PLXDC2: variants seen among roughly 807,000 people sequenced by gnomAD.
PLXDC2 encodes plexin domain-containing protein 2.
In PLXDC2, 40 loss-of-function variants were observed where a neutral mutation model predicts 68.9. The ratio of observed to expected loss-of-function variants is 0.58; its 90% CI spans 0.45 to 0.76. PLXDC2 has a LOEUF of 0.76. PLXDC2 is among the 30% of genes least tolerant of loss of function. PLXDC2 has a pLI of 0.00. For synonymous variants in PLXDC2, 243 were observed against 234.2 expected (o/e 1.04, Z -0.34); for missense variants, 644 against 661.9 (o/e 0.97, Z 0.30).
At chr10:20,260,326 A>G (rs1341663093) in intron 13 of PLXDC2, among the ~76,000 whole-genome samples, 2 of 152,188 alleles carry the variant, frequency 1.3e-5, no homozygotes, top group Non-Finnish European at 2.9e-5. Flanking sequence ...GCAAGTTTGT[A>G]CCTTTGGGTC....
At chr10:19,936,490 T>C (rs1168336041) in intron 1 of PLXDC2, among the ~76,000 whole-genome samples, 1 of 152,186 alleles carries the variant, frequency 6.6e-6, no homozygotes, top group Non-Finnish European at 1.5e-5. Flanking sequence ...AAGCTTTATT[T>C]ACAAAAACAG....
chr10:19,845,587 T>A (rs1836993710), intron 1 of PLXDC2, among the ~76,000 whole-genome samples: 1 of 152,154 alleles, frequency 6.6e-6, no homozygotes, highest in Admixed American at 6.5e-5. Flanking sequence ...CAGAAAATAA[T>A]TCAAGGGCAA....
chr10:20,154,316 G>C lies in PLXDC2; in HGVS notation c.783+6414G>C, dbSNP rs1483444241. ...ACGGTGGCTCACGCCTGTGATCCCA[G>C]CACTTTGGGAGGCCAAGGTGGGCTG... On this transcript the variant is annotated intron_variant, in intron 6 of 13. Coordinates refer to ENST00000377252, the MANE Select transcript of PLXDC2 (RefSeq NM_032812.9). 3.3e-5 allele frequency among the ~76,000 whole-genome samples: 5 copies of C among 152,170 alleles called. No homozygotes were observed. The East Asian group carries it at 9.6e-4, about 29-fold the overall frequency.
chr10:20,068,207 A>G lies in PLXDC2; in HGVS notation c.509A>G (p.His170Arg). ...TCCTTCGATTTTCCATTTTATGGCC[A>G]CTTCCTACGTGAAATCACTGTGGCA... Reference protein sequence around the residue: ...NLSFDFPFYGHFLREITVATG... With the variant: ...NLSFDFPFYGRFLREITVATG... Residue 170 changes from histidine (H) to arginine (R), a missense_variant, in exon 4 of 14, where the codon CAC (histidine) becomes CGC (arginine). Coordinates refer to ENST00000377252, the MANE Select transcript of PLXDC2 (RefSeq NM_032812.9). The G allele has an allele frequency of 1.9e-6, 3 of 1,613,328 alleles. No individual in the cohort carries two copies. The highest frequency in any genetic ancestry group is 2.5e-6 in the Non-Finnish European group (3 of 1,179,644).
chr10:19,925,612 A>G (rs1467992140), intron 1 of PLXDC2, among the ~76,000 whole-genome samples: 1 of 152,128 alleles, frequency 6.6e-6, no homozygotes, highest in African/African-American at 2.4e-5. Flanking sequence ...ATTTTTTCCT[A>G]TTGTTCTCAT....
chr10:20,178,607 T>A (rs1441070881), intron 9 of PLXDC2, among the ~76,000 whole-genome samples: 1 of 152,090 alleles, frequency 6.6e-6, no homozygotes, highest in Non-Finnish European at 1.5e-5. Context: ...GTCTGTCTTA[T>A]CATCTTCTTG....
chr10:19,897,745 T>C (rs1838084837), intron 1 of PLXDC2, among the ~76,000 whole-genome samples: 1 of 152,180 alleles, frequency 6.6e-6, no homozygotes, highest in African/African-American at 2.4e-5. Context: ...ATTAAATGAT[T>C]TGTCCAAGAC....
At chr10:19,944,071 A>C (rs1240099947) in intron 1 of PLXDC2, among the ~76,000 whole-genome samples, 1 of 152,196 alleles carries the variant, frequency 6.6e-6, no homozygotes, top group Non-Finnish European at 1.5e-5. Flanking sequence ...GATTTGAAGA[A>C]TTTTAGATTA....
chr10:20,070,478 T>G (rs1239089941), intron 4 of PLXDC2, among the ~76,000 whole-genome samples: 1 of 152,160 alleles, frequency 6.6e-6, no homozygotes, highest in Non-Finnish European at 1.5e-5. Flanking sequence ...AAGGAATATA[T>G]CTAAATGAAA....
At chr10:20,187,450 T>C (rs1834701339) in intron 9 of PLXDC2, among the ~76,000 whole-genome samples, 1 of 151,830 alleles carries the variant, frequency 6.6e-6, no homozygotes. Context: ...AATTAACATA[T>C]CAATCACCTT....
intron 9 of PLXDC2, among the ~76,000 whole-genome samples, chr10:20,183,071 G>T (rs952831178): frequency 1.3e-5 from 2 of 151,980 alleles, no homozygotes; most frequent in African/African-American, 4.8e-5. Context: ...ACTCTTTTGA[G>T]ATGGGTAAGA....
At chr10:19,955,661 G>T (rs1244816680) in intron 1 of PLXDC2, among the ~76,000 whole-genome samples, 1 of 151,962 alleles carries the variant, frequency 6.6e-6, no homozygotes, top group Non-Finnish European at 1.5e-5. Context: ...GAATACGTTG[G>T]GTGCTCTGTA....
chr10:20,244,574 T>C (rs1305697323), intron 12 of PLXDC2, among the ~76,000 whole-genome samples: 1 of 152,208 alleles, frequency 6.6e-6, no homozygotes, highest in Non-Finnish European at 1.5e-5. Flanking sequence ...AAATTATGCT[T>C]GGAGTTCATG....
At chr10:20,178,608 C>A (rs1834560650) in intron 9 of PLXDC2, among the ~76,000 whole-genome samples, 1 of 152,040 alleles carries the variant, frequency 6.6e-6, no homozygotes, top group Non-Finnish European at 1.5e-5. Flanking sequence ...TCTGTCTTAT[C>A]ATCTTCTTGC....
At chr10:19,944,574 C>G (rs1322504578) in intron 1 of PLXDC2, among the ~76,000 whole-genome samples, 1 of 152,086 alleles carries the variant, frequency 6.6e-6, no homozygotes, top group Non-Finnish European at 1.5e-5. Flanking sequence ...TTCAGAAACT[C>G]CAGGGCTACC....
rs538905873 is a variant in PLXDC2 at position 20,113,897 on chromosome 10, G to T, written c.542-29398G>T. 2.0e-5 allele frequency among the ~76,000 whole-genome samples: 3 copies of T among 152,252 alleles called. No homozygotes were observed. The East Asian group carries it at 5.8e-4, about 30-fold the overall frequency. ...CCCCAGCACTTTGGGAGGCTGAGGT[G>T]GGTGGATCACTGAAGGTCAGGAGTT... On this transcript the variant is annotated intron_variant, in intron 4 of 13. Coordinates refer to ENST00000377252, the MANE Select transcript of PLXDC2 (RefSeq NM_032812.9).
chr10:20,052,438 G>A (rs183453312), intron 3 of PLXDC2, among the ~76,000 whole-genome samples: 1 of 151,860 alleles, frequency 6.6e-6, no homozygotes, highest in African/African-American at 2.4e-5. Flanking sequence ...GTGACCAGGG[G>A]GCTGAGTAAT....
At chr10:20,248,912 A>G (rs548958455) in intron 13 of PLXDC2, among the ~76,000 whole-genome samples, 2 of 152,306 alleles carry the variant, frequency 1.3e-5, no homozygotes, top group Non-Finnish European at 2.9e-5. Flanking sequence ...TTCTTTTATG[A>G]AAGTGATACC....
chr10:20,155,453 T>G (rs567024168), intron 6 of PLXDC2, among the ~76,000 whole-genome samples: 317 of 152,230 alleles, frequency 2.1e-3, no homozygotes, highest in Admixed American at 4.2e-3. Flanking sequence ...TTGATAAATG[T>G]GTGAGCAGAA....
Sources: allele counts gnomAD v4.1 joint callset (sites outside exome capture counted in the v4.1 genomes callset), GRCh38; gene constraint gnomAD v4.1.1; transcripts MANE v1.5; gene names NCBI Gene and HGNC (gene_info 2026-07-23, HGNC 2026-07-21).